Variants in MARCHF1 observed in about 807,000 individuals in gnomAD.
MARCHF1 encodes membrane associated ring-CH-type finger 1.
MARCHF1 carries 40 observed loss-of-function variants against 54.2 expected under a neutral mutation model. The ratio of observed to expected loss-of-function variants is 0.74; its 90% CI spans 0.57 to 0.96. MARCHF1 has a LOEUF of 0.96. Ranked by LOEUF, MARCHF1 falls within the 40% of genes least tolerant of loss-of-function variation. The probability of loss-of-function intolerance (pLI) is 0.00; values close to 1 mark genes in which losing one functional copy is unlikely to be tolerated. For synonymous variants in MARCHF1, 236 were observed against 236.3 expected, an observed-to-expected ratio of 1.00 and a Z score of 0.01; for missense variants, 586 against 656.5, an observed-to-expected ratio of 0.89 and a Z score of 1.17.
chr4:163,879,809 G>A (rs113487736), intron 3 of MARCHF1, among the ~76,000 whole-genome samples: 2 of 147,288 alleles, frequency 1.4e-5, no homozygotes, highest in African/African-American at 5.3e-5. Flanking sequence ...AGAGGCGTGT[G>A]TGTGTGTGTG....
intron 1 of MARCHF1, among the ~76,000 whole-genome samples, chr4:164,254,210 C>T (rs1397808542): frequency 6.6e-6 from 1 of 151,698 alleles, no homozygotes. Context: ...TGCCACCATG[C>T]CTGGCTAATT....
chr4:163,898,180 A>G (rs527916286), intron 3 of MARCHF1, among the ~76,000 whole-genome samples: 3 of 152,198 alleles, frequency 2.0e-5, no homozygotes, highest in South Asian at 4.1e-4. Context: ...CCAAAACAAA[A>G]ACAGACAAAT....
At chr4:163,897,053 G>A (rs1291650219) in intron 3 of MARCHF1, among the ~76,000 whole-genome samples, 1 of 152,054 alleles carries the variant, frequency 6.6e-6, no homozygotes, top group African/African-American at 2.4e-5. Context: ...ATATCCACAT[G>A]GATAAATATT....
At chr4:164,142,614 G>C (rs543786966) in intron 1 of MARCHF1, among the ~76,000 whole-genome samples, 31 of 152,242 alleles carry the variant, frequency 2.0e-4, no homozygotes, top group Non-Finnish European at 3.8e-4. Flanking sequence ...TGAGGGTCCT[G>C]TCTGTTAGAA....
chr4:163,895,426 G>A (rs1342850918), intron 3 of MARCHF1, among the ~76,000 whole-genome samples: 1 of 152,196 alleles, frequency 6.6e-6, no homozygotes, highest in Non-Finnish European at 1.5e-5. Flanking sequence ...TTTGGCAGAT[G>A]ATAAGCACCA....
intron 4 of MARCHF1, among the ~76,000 whole-genome samples, chr4:163,743,845 T>A (rs1561053541): frequency 6.6e-6 from 1 of 152,208 alleles, no homozygotes; most frequent in Non-Finnish European, 1.5e-5. Flanking sequence ...AAATTAGTAA[T>A]CTTTCTTAGA....
In MARCHF1 at chr4:164,041,294, A is replaced by G. The variant is rs573717817; in HGVS notation, c.-247-52585T>C. Among the ~76,000 whole-genome samples, 63 of 152,264 alleles carry G rather than the reference A, an allele frequency of 4.1e-4. 1 individual carries two copies. In the South Asian group the frequency reaches 0.013, roughly 31 times the overall value. On this transcript the variant is annotated intron_variant, in intron 2 of 9. Transcript: ENST00000514618. ...ACCAGAACTTCCATACCCTACCAAT[A>G]TCTATCAGAAATATCCCCCTCTTTC... is the stretch of plus-strand genomic sequence containing the variant.
intron 1 of MARCHF1, chr4:164,330,304 G>T (rs1735401341): frequency 6.6e-6 from 1 of 152,126 alleles, no homozygotes; most frequent in Non-Finnish European, 1.5e-5. Flanking sequence ...TTATTAGGTT[G>T]CTGTCTCACT....
chr4:163,641,535 T>C (rs2111034634), intron 5 of MARCHF1, among the ~76,000 whole-genome samples: 1 of 152,274 alleles, frequency 6.6e-6, no homozygotes, highest in Non-Finnish European at 1.5e-5. Flanking sequence ...AAAGAAGATA[T>C]TAATTCCTGT....
intron 3 of MARCHF1, among the ~76,000 whole-genome samples, chr4:163,869,020 T>A (rs1482864285): frequency 6.6e-6 from 1 of 151,938 alleles, no homozygotes; most frequent in Non-Finnish European, 1.5e-5. Context: ...ACAGTCTCTT[T>A]AAATTTAATT....
chr4:163,776,986 T>C (rs934145602), intron 4 of MARCHF1, among the ~76,000 whole-genome samples: 1 of 152,194 alleles, frequency 6.6e-6, no homozygotes, highest in African/African-American at 2.4e-5. Context: ...TAACCTGTTT[T>C]GCTTTTTAAT....
chr4:163,969,634 A>T (rs1752510875), intron 3 of MARCHF1, among the ~76,000 whole-genome samples: 1 of 152,168 alleles, frequency 6.6e-6, no homozygotes, highest in Non-Finnish European at 1.5e-5. Flanking sequence ...GTCCATCTGG[A>T]TGGGCAACAG....
intron 5 of MARCHF1, among the ~76,000 whole-genome samples, chr4:163,633,023 T>A (rs1356188099): frequency 6.6e-6 from 1 of 152,078 alleles, no homozygotes; most frequent in East Asian, 1.9e-4. Flanking sequence ...CCAACAGACC[T>A]GCAGCTGAGG....
At chr4:163,838,659 C>T (rs1299723692) in intron 4 of MARCHF1, among the ~76,000 whole-genome samples, 1 of 152,046 alleles carries the variant, frequency 6.6e-6, no homozygotes, top group Admixed American at 6.5e-5. Context: ...ACTGAACTGT[C>T]TTCCAAGTTA....
intron 5 of MARCHF1, among the ~76,000 whole-genome samples, chr4:163,671,117 A>C (rs1743721696): frequency 6.6e-6 from 1 of 152,234 alleles, no homozygotes; most frequent in African/African-American, 2.4e-5. Context: ...AGTTGGATGC[A>C]GAGGGTATCT....
intron 4 of MARCHF1, among the ~76,000 whole-genome samples, chr4:163,766,447 G>A (rs28633976): frequency 0.05 from 7,679 of 152,102 alleles, 510 homozygotes; most frequent in African/African-American, 0.15. Context: ...TAAAATATAA[G>A]TGGCTGAATA....
At chr4:163,539,688 G>A (rs1738663844) in intron 9 of MARCHF1, among the ~76,000 whole-genome samples, 1 of 152,232 alleles carries the variant, frequency 6.6e-6, no homozygotes, top group South Asian at 2.1e-4. Flanking sequence ...TTTAGTCATA[G>A]TGTGTTTCTG....
chr4:164,031,839 G>GC (rs1324999530), intron 2 of MARCHF1, among the ~76,000 whole-genome samples: 1 of 152,134 alleles, frequency 6.6e-6, no homozygotes, highest in Non-Finnish European at 1.5e-5. Context: ...GATGATGCTG[G>GC]CCTCATAAAA....
At chr4:163,823,914 G>T (rs1256375684) in intron 4 of MARCHF1, among the ~76,000 whole-genome samples, 2 of 151,680 alleles carry the variant, frequency 1.3e-5, no homozygotes, top group East Asian at 1.9e-4. Flanking sequence ...TTGAGAAAAA[G>T]AAATTATAGC....
Sources: allele counts gnomAD v4.1 joint callset (sites outside exome capture counted in the v4.1 genomes callset), GRCh38; gene constraint gnomAD v4.1.1; transcripts MANE v1.5; gene names NCBI Gene and HGNC (gene_info 2026-07-23, HGNC 2026-07-21).